Variants in KIFAP3 observed in about 807,000 individuals in gnomAD.
KIFAP3 encodes the protein kinesin-associated protein 3.
KIFAP3 carries 68 observed loss-of-function variants against 106.5 expected under a neutral mutation model. The observed-to-expected ratio is 0.64, with a 90% CI of 0.53 to 0.78. The LOEUF (loss-of-function observed/expected upper bound fraction) is 0.78. KIFAP3 is among the 30% of genes least tolerant of loss of function. KIFAP3 has a pLI of 0.00. For missense variants in KIFAP3, 780 were observed against 941.8 expected (o/e 0.83, Z 2.25); for synonymous variants, 320 against 311.5 (o/e 1.03, Z -0.29).
At chr1:170,012,531 C>T (rs1257932390) in intron 10 of KIFAP3, among the ~76,000 whole-genome samples, 1 of 151,972 alleles carries the variant, frequency 6.6e-6, no homozygotes, top group Non-Finnish European at 1.5e-5. Context: ...CTTTAGAAAA[C>T]AAAGATGTAA....
At chr1:169,960,626 T>G (rs138619351) in intron 18 of KIFAP3, among the ~76,000 whole-genome samples, 1 of 152,224 alleles carries the variant, frequency 6.6e-6, no homozygotes, top group East Asian at 1.9e-4. Context: ...AGTTTGAAAC[T>G]AAAGCAAAAC....
intron 19 of KIFAP3, among the ~76,000 whole-genome samples, chr1:169,945,017 C>A (rs1236933165): frequency 3.9e-5 from 6 of 152,136 alleles, no homozygotes; most frequent in African/African-American, 1.4e-4. Context: ...CAGGAGCCTG[C>A]CTGTTGCCAT....
chr1:170,040,603 A>G (rs1669920756), intron 3 of KIFAP3, among the ~76,000 whole-genome samples: 1 of 152,164 alleles, frequency 6.6e-6, no homozygotes, highest in African/African-American at 2.4e-5. Context: ...TATACAACCT[A>G]CAATAAGTAG....
chr1:170,051,745 C>A (rs1208121714), intron 2 of KIFAP3, among the ~76,000 whole-genome samples: 1 of 152,148 alleles, frequency 6.6e-6, no homozygotes, highest in African/African-American at 2.4e-5. Context: ...TGAATGACTG[C>A]TGGGTAAATA....
intron 16 of KIFAP3, among the ~76,000 whole-genome samples, chr1:169,973,322 G>A (rs1007747100): frequency 9.4e-5 from 14 of 149,124 alleles, no homozygotes; most frequent in Admixed American, 2.7e-4. Context: ...GAGATAAAAA[G>A]ATTAGAAAAT....
intron 19 of KIFAP3, among the ~76,000 whole-genome samples, chr1:169,944,556 C>CT (rs759498390): frequency 1.8e-3 from 268 of 152,238 alleles, no homozygotes; most frequent in Non-Finnish European, 2.7e-3. Flanking sequence ...TGTTACAGCT[C>CT]TTTGAGTCCT....
chr1:169,964,389 G>A (rs1383037260), intron 17 of KIFAP3, among the ~76,000 whole-genome samples: 1 of 152,144 alleles, frequency 6.6e-6, no homozygotes, highest in Non-Finnish European at 1.5e-5. Context: ...CAGCAATGTG[G>A]AAGAGGCAGT....
chr1:169,984,529 C>T, intron 12 of KIFAP3, 53 bp downstream of exon 12: 1 of 753,644 alleles, frequency 1.3e-6, no homozygotes, highest in East Asian at 2.5e-5. Context: ...TATTTTCCAT[C>T]ATATACCAAA....
chr1:169,998,970 T>C (rs1450609052), intron 10 of KIFAP3, among the ~76,000 whole-genome samples: 3 of 152,184 alleles, frequency 2.0e-5, no homozygotes, highest in African/African-American at 4.8e-5. Flanking sequence ...GGGGAAGATG[T>C]CTGGCAATAA....
At chr1:170,036,230 T>A (rs965255185) in intron 5 of KIFAP3, among the ~76,000 whole-genome samples, 4 of 152,074 alleles carry the variant, frequency 2.6e-5, no homozygotes, top group Non-Finnish European at 4.4e-5. Flanking sequence ...GGCATACTAA[T>A]TCTTAAAATA....
intron 10 of KIFAP3, among the ~76,000 whole-genome samples, chr1:170,013,498 A>T (rs74122305): frequency 3.4e-5 from 5 of 147,910 alleles, no homozygotes; most frequent in Admixed American, 6.8e-5. Context: ...TATATATATA[A>T]AATACATATA....
Position 170,031,910 on chromosome 1 carries a change from C to T in KIFAP3, c.817G>A (p.Val273Ile), listed in dbSNP as rs757392486. ...CCTCGTAATAGCTGTTCCTGTTTTA[C>T]CACAAGCCCCTGGTACTTTTTAAAG... Reference protein sequence around the residue: ...KTFKKYQGLVVKQEQLLRVAL... With the variant: ...KTFKKYQGLVIKQEQLLRVAL... Residue 273 changes from valine (V) to isoleucine (I), a missense_variant, in exon 8 of 20, where the codon GTA (valine) becomes ATA (isoleucine). This residue lies in a region of KIFAP3 where 588 missense variants were observed against 678.9 expected (regional missense o/e 0.87). Transcript: ENST00000361580. 66 of 1,610,082 alleles carry T rather than the reference C, an allele frequency of 4.1e-5. No homozygotes were observed. Among genetic ancestry groups the T allele is most frequent in the Non-Finnish European group, 5.6e-5 (66 of 1,177,264 alleles).
At chr1:169,947,564 T>G (rs750961840) in intron 19 of KIFAP3, among the ~76,000 whole-genome samples, 4 of 151,852 alleles carry the variant, frequency 2.6e-5, no homozygotes, top group Non-Finnish European at 5.9e-5. Context: ...GATATTTTTT[T>G]AATATTATAC....
At chr1:170,014,221 G>C (rs910762200) in intron 10 of KIFAP3, among the ~76,000 whole-genome samples, 1 of 152,058 alleles carries the variant, frequency 6.6e-6, no homozygotes, top group Non-Finnish European at 1.5e-5. Context: ...ATAACCTACC[G>C]AGCTCAAAAG....
intron 2 of KIFAP3, among the ~76,000 whole-genome samples, chr1:170,049,033 T>A (rs924402977): frequency 6.6e-6 from 1 of 152,216 alleles, no homozygotes; most frequent in African/African-American, 2.4e-5. Flanking sequence ...TCTCACTCAG[T>A]GAGTCCCACT....
chr1:170,049,091 G>T (rs1421561329), intron 2 of KIFAP3, among the ~76,000 whole-genome samples: 2 of 152,224 alleles, frequency 1.3e-5, no homozygotes, highest in African/African-American at 4.8e-5. Flanking sequence ...AATTCTCACT[G>T]CCAGCACAGC....
intron 18 of KIFAP3, among the ~76,000 whole-genome samples, chr1:169,960,505 A>T (rs1271522937): frequency 6.6e-6 from 1 of 152,144 alleles, no homozygotes; most frequent in African/African-American, 2.4e-5. Context: ...TACATGTAAG[A>T]TTTACATAAA....
At chr1:170,048,713 G>T (rs1420033620) in intron 2 of KIFAP3, among the ~76,000 whole-genome samples, 1 of 151,638 alleles carries the variant, frequency 6.6e-6, no homozygotes, top group Non-Finnish European at 1.5e-5. Flanking sequence ...TGGCGGGGGC[G>T]TCGCTACACC....
chr1:170,018,483 T>C (rs1402958609), intron 9 of KIFAP3, among the ~76,000 whole-genome samples: 1 of 152,116 alleles, frequency 6.6e-6, no homozygotes, highest in Non-Finnish European at 1.5e-5. Flanking sequence ...CTCACGTCTT[T>C]TAGTTACAAA....
Sources: gnomAD v4.1 joint callset for allele counts (sites outside exome capture counted in the v4.1 genomes callset) on GRCh38, gnomAD v4.1.1 for gene constraint, gnomAD v4.1.1 regional missense constraint, MANE v1.5 for transcripts, NCBI Gene and HGNC (gene_info 2026-07-23, HGNC 2026-07-21) for gene names.